SUGCT: variants seen among roughly 807,000 people sequenced by gnomAD.
SUGCT encodes the protein succinyl-CoA:glutarate-CoA transferase, also known as succinyl-CoA:glutarate CoA-transferase.
In SUGCT, 41 loss-of-function variants were observed where a neutral mutation model predicts 55.0. The ratio of observed to expected loss-of-function variants is 0.74; its 90% CI spans 0.58 to 0.97. SUGCT has a LOEUF of 0.97. SUGCT is among the 50% of genes least tolerant of loss of function. The pLI is 0.00. For synonymous variants in SUGCT, 187 were observed against 200.4 expected, an observed-to-expected ratio of 0.93 and a Z score of 0.56; for missense variants, 568 against 547.8, an observed-to-expected ratio of 1.04 and a Z score of -0.37.
chr7:40,779,538 T>C (rs559576101), intron 13 of SUGCT, among the ~76,000 whole-genome samples: 145 of 152,250 alleles, frequency 9.5e-4, no homozygotes, highest in Non-Finnish European at 1.8e-3. Context: ...TTGTAGACAG[T>C]GGTTGGAAAA....
intron 7 of SUGCT, among the ~76,000 whole-genome samples, chr7:40,269,302 T>G (rs973950043): frequency 6.6e-6 from 1 of 151,898 alleles, no homozygotes; most frequent in African/African-American, 2.4e-5. Flanking sequence ...TTTTTACTTT[T>G]TTAATTTTTT....
intron 13 of SUGCT, among the ~76,000 whole-genome samples, chr7:40,845,305 G>A (rs948661510): frequency 2.0e-5 from 3 of 152,144 alleles, no homozygotes; most frequent in Admixed American, 1.3e-4. Flanking sequence ...CATTAAGTTA[G>A]CCTAAACAGA....
intron 7 of SUGCT, among the ~76,000 whole-genome samples, chr7:40,249,463 T>C (rs1365225273): frequency 6.7e-6 from 1 of 148,578 alleles, no homozygotes; most frequent in Non-Finnish European, 1.5e-5. Flanking sequence ...CATGTATTGC[T>C]ACATCTTCAG....
chr7:40,902,776 C>T, the SUGCT span, among the ~76,000 whole-genome samples: 1 of 152,002 alleles, frequency 6.6e-6, no homozygotes, highest in South Asian at 2.1e-4. Flanking sequence ...AAGCCAGGAC[C>T]TTGACTGAAG....
chr7:40,529,184 G>C (rs370397012), intron 12 of SUGCT, among the ~76,000 whole-genome samples: 9 of 152,322 alleles, frequency 5.9e-5, no homozygotes, highest in African/African-American at 1.9e-4. Context: ...TCTTGAAACT[G>C]GGAGTGGACA....
the SUGCT span, among the ~76,000 whole-genome samples, chr7:40,945,101 A>G: frequency 4.1e-3 from 631 of 152,236 alleles, 2 homozygotes; most frequent in African/African-American, 0.013. Context: ...ATCTATGGGT[A>G]AAAACAAGCT....
At chr7:40,974,449 T>A in the SUGCT span, among the ~76,000 whole-genome samples, 18 of 152,198 alleles carry the variant, frequency 1.2e-4, no homozygotes, top group Admixed American at 6.5e-4. Flanking sequence ...CTCCATCATA[T>A]GAAGACACAA....
At chr7:40,279,001 ATT>A (rs111686538) in intron 8 of SUGCT, among the ~76,000 whole-genome samples, 11 of 122,966 alleles carry the variant, frequency 8.9e-5, no homozygotes, top group Non-Finnish European at 1.1e-4. Flanking sequence ...TAATTTTTGT[ATT>A]TTTTTTTTTT....
intron 13 of SUGCT, among the ~76,000 whole-genome samples, chr7:40,754,526 C>T (rs1262893066): frequency 2.0e-5 from 3 of 152,138 alleles, no homozygotes; most frequent in South Asian, 2.1e-4. Flanking sequence ...ACCAGTCCCT[C>T]GTGGAGCTTA....
At position 40,816,399 on chromosome 7, in the gene SUGCT, C is replaced by T. The variant is rs12667101; in HGVS notation, c.1154-43917C>T. ...ATCTTCAATCCTTTCCCCAAGTTAG[C>T]ACTAGGGCTTGGGAGAAACAAAGTG... On this transcript the variant is annotated intron_variant, in intron 13 of 13. Coordinates refer to ENST00000335693, the MANE Select transcript of SUGCT (RefSeq NM_001193313.2). Among the ~76,000 whole-genome samples the T allele has an allele frequency of 2.9e-4, 44 of 152,282 alleles. No homozygotes were observed. The East Asian group carries it at 7.7e-3, about 27-fold the overall frequency.
intron 13 of SUGCT, among the ~76,000 whole-genome samples, chr7:40,769,037 G>A (rs983263117): frequency 3.9e-5 from 6 of 152,140 alleles, no homozygotes; most frequent in African/African-American, 1.4e-4. Flanking sequence ...CTAATAATTA[G>A]ATGTTAGAGG....
the SUGCT span, among the ~76,000 whole-genome samples, chr7:40,892,628 G>T: frequency 1.2e-3 from 185 of 152,120 alleles, 1 homozygote; most frequent in Non-Finnish European, 8.8e-4. Flanking sequence ...CAAACTCCTG[G>T]GTTCAAGCAA....
At chr7:40,799,698 C>T (rs1441846813) in intron 13 of SUGCT, among the ~76,000 whole-genome samples, 3 of 152,098 alleles carry the variant, frequency 2.0e-5, no homozygotes, top group Admixed American at 6.5e-5. Context: ...TGCATCCTGT[C>T]GTTTATTAAA....
At chr7:40,311,117 G>T (rs969161504) in intron 8 of SUGCT, among the ~76,000 whole-genome samples, 2 of 152,090 alleles carry the variant, frequency 1.3e-5, no homozygotes, top group African/African-American at 4.8e-5. Flanking sequence ...CAGATATTCA[G>T]CAGGACTGTG....
intron 13 of SUGCT, among the ~76,000 whole-genome samples, chr7:40,763,568 G>A (rs911349588): frequency 6.6e-6 from 1 of 152,128 alleles, no homozygotes; most frequent in Admixed American, 6.5e-5. Flanking sequence ...GTCACCAGGG[G>A]TGTTACTCAG....
At chr7:40,351,484 T>C (rs1021290982) in intron 9 of SUGCT, among the ~76,000 whole-genome samples, 2 of 152,210 alleles carry the variant, frequency 1.3e-5, no homozygotes, top group African/African-American at 4.8e-5. Flanking sequence ...AATGTACTTA[T>C]AATAGTGTGA....
At chr7:40,926,024 T>C in the SUGCT span, among the ~76,000 whole-genome samples, 11 of 151,972 alleles carry the variant, frequency 7.2e-5, no homozygotes, top group Non-Finnish European at 1.6e-4. Flanking sequence ...AGCCAGGAGT[T>C]TGAGGTTGCA....
chr7:40,513,685 G>A (rs759873630), intron 12 of SUGCT, among the ~76,000 whole-genome samples: 6 of 151,702 alleles, frequency 4.0e-5, no homozygotes, highest in African/African-American at 1.5e-4. Context: ...AGTGACCTTC[G>A]TCCTGAAGAT....
chr7:40,697,407 G>T (rs1445583875), intron 12 of SUGCT, among the ~76,000 whole-genome samples: 2 of 152,092 alleles, frequency 1.3e-5, no homozygotes, highest in Non-Finnish European at 2.9e-5. Context: ...GGCTGAAGTG[G>T]GTGGATCACT....
Sources: allele counts gnomAD v4.1 joint callset (sites outside exome capture counted in the v4.1 genomes callset), GRCh38; gene constraint gnomAD v4.1.1; transcripts MANE v1.5; gene names NCBI Gene and HGNC (gene_info 2026-07-23, HGNC 2026-07-21).